The following LAS1L variants were observed in gnomAD, a reference collection of about 807,000 sequenced individuals.
LAS1L encodes the protein ribosomal biogenesis protein LAS1L.
A neutral mutation model predicts 57.3 loss-of-function variants in LAS1L; 5 were observed. The ratio of observed to expected loss-of-function variants is 0.09; its 90% CI spans 0.05 to 0.18. The LOEUF (loss-of-function observed/expected upper bound fraction) is 0.18, where lower values mean the gene tolerates loss of function less well. LAS1L is among the 10% of genes least tolerant of loss of function. LAS1L has a pLI of 1.00. For missense variants in LAS1L, 360 were observed against 568.3 expected, an observed-to-expected ratio of 0.63 and a Z score of 3.73; for synonymous variants, 245 against 231.7, an observed-to-expected ratio of 1.06 and a Z score of -0.52.
Position 65,534,463 on chromosome X carries a change from C to A in LAS1L, c.236+17G>T. 8.6e-7 allele frequency: 1 copy of A among 1,165,715 alleles called. No individual in the cohort carries two copies. Among genetic ancestry groups the A allele is most frequent in the Non-Finnish European group, 1.2e-6 (1 of 863,733 alleles). The stretch of plus-strand genomic sequence containing the variant: ...GCCACCAGCACGCAGGCAAAAGGGC[C>A]GAACCCGCCACCTTACCTGCTCCTC... On this transcript the variant is annotated intron_variant, in intron 1 of 13. Transcript: ENST00000374811.
chrX:65,525,975 C>T (rs976166037), intron 7 of LAS1L, among the ~76,000 whole-genome samples: 4 of 110,670 alleles, frequency 3.6e-5, no homozygotes, highest in Non-Finnish European at 7.5e-5. Context: ...TGGGTCGGAT[C>T]CCTCATGAAT....
chrX:65,531,519 G>A (rs1028775495), intron 3 of LAS1L, 81 bp from the exon 4 acceptor site: 4 of 654,195 alleles, frequency 6.1e-6, no homozygotes, highest in Non-Finnish European at 9.8e-6. Flanking sequence ...TAATTATCCT[G>A]ACCACCTCCT....
chrX:65,534,039 A>C (rs775744995), intron 1 of LAS1L, among the ~76,000 whole-genome samples: 2 of 111,281 alleles, frequency 1.8e-5, no homozygotes, highest in East Asian at 5.7e-4. Flanking sequence ...GGAGCCCCTT[A>C]TCCCTTGTAA....
chrX:65,518,120 T>A lies in LAS1L; in HGVS notation c.1794A>T (p.Glu598Asp), dbSNP rs368033383. 4 of 1,197,345 alleles carry A rather than the reference T, an allele frequency of 3.3e-6. No individual in the cohort carries two copies. In the African/African-American group the frequency reaches 5.3e-5, roughly 16 times the overall value. ...CCATTCTGTCTTCCTCTTCATCATC[T>A]TCATCATCTTCATCCTCCTCTTCCT... Reference protein sequence around the residue: ...QEEEEEDEDDEDDEEEDRMEV... With the variant: ...QEEEEEDEDDDDDEEEDRMEV... Residue 598 changes from glutamate to aspartate, a missense_variant, in exon 12 of 14, where the codon GAA becomes GAT. Physicochemically the swap from Glu to Asp is conservative, Grantham distance 45 (BLOSUM62 2). This residue lies in a region of LAS1L where 123 missense variants were observed against 168.3 expected (regional missense o/e 0.73). Coordinates refer to ENST00000374811, the MANE Select transcript of LAS1L (RefSeq NM_031206.7).
rs1293394630 is a variant in LAS1L, at chrX:65,534,518, C to T, written c.198G>A (p.Gln66=). The change falls in exon 1 of 14, where the codon CAG becomes CAA. Residue 66 remains glutamine, a synonymous_variant. Coordinates refer to ENST00000374811, the MANE Select transcript of LAS1L (RefSeq NM_031206.7). ...VYLFCDDHKL[Q]RYALNRITVW... ...CCGTGATGCGGTTAAGCGCGTACCGCTGCAACTTATGGTCGTCACAGAACA... is the reference window on the plus strand; with the variant it reads ...CCGTGATGCGGTTAAGCGCGTACCGTTGCAACTTATGGTCGTCACAGAACA... The T allele has an allele frequency of 4.1e-6, 5 of 1,207,022 alleles. No individual in the cohort carries two copies. Among genetic ancestry groups the T allele is most frequent in the Non-Finnish European group, 5.6e-6 (5 of 893,675 alleles).
intron 11 of LAS1L, 27 bp downstream of exon 11, chrX:65,523,533 T>A: frequency 5.2e-6 from 6 of 1,151,234 alleles, no homozygotes; most frequent in Non-Finnish European, 5.8e-6. Context: ...CCTCACCCTC[T>A]TACCGGATGG....
At position 65,524,257 on chromosome X, in the gene LAS1L, C is replaced by T. The variant is rs2069005756; in HGVS notation, c.1099G>A (p.Val367Met). 2.5e-6 allele frequency: 3 copies of T among 1,205,616 alleles called. No homozygotes were observed. The highest frequency in any genetic ancestry group is 2.2e-6 in the Non-Finnish European group (2 of 891,666). ...EGTDPKSHKN[V>M]DLNDVLVPKP... The stretch of plus-strand genomic sequence containing the variant: ...GGCACCAGGACGTCATTCAAGTCCA[C>T]GTTTTCTGGTTTGTAAGGGACACCC... Residue 367 changes from valine to methionine, a missense_variant, in exon 10 of 14, where the codon GTG becomes ATG. Physicochemically the swap from Val to Met is conservative, Grantham distance 21 (BLOSUM62 1). This residue lies in a region of LAS1L where 81 missense variants were observed against 192.1 expected (regional missense o/e 0.42). Coordinates refer to ENST00000374811, the MANE Select transcript of LAS1L (RefSeq NM_031206.7).
In LAS1L at chrX:65,525,748, C is replaced by CAAAAAAAAAAAAAAA. The variant is rs772564998; in HGVS notation, c.957-713_957-699dup. Among the ~76,000 whole-genome samples, 64 of 38,227 alleles carry CAAAAAAAAAAAAAAA rather than the reference C, an allele frequency of 1.7e-3. 2 individuals are homozygous for CAAAAAAAAAAAAAAA. The highest frequency in any genetic ancestry group is 7.0e-3 in the African/African-American group (61 of 8,719). The allele number at this position is 38,227 out of a possible 115,157, so 33.2% of individuals were successfully genotyped here. On this transcript the variant is annotated intron_variant, in intron 7 of 13. Coordinates refer to ENST00000374811, the MANE Select transcript of LAS1L (RefSeq NM_031206.7). The stretch of plus-strand genomic sequence containing the variant: ...AGGTCTTCACCAAGGTCTGATTTTT[C>CAAAAAAAAAAAAAAA]AAAAAAAAAAAAAAAAAAAAGAAAG...
chrX:65,517,373 G>A (rs1345498522), intron 12 of LAS1L, among the ~76,000 whole-genome samples: 47 of 108,766 alleles, frequency 4.3e-4, no homozygotes, highest in Admixed American at 2.3e-3. Context: ...TCAGCCTCCC[G>A]AGTAGCTGGG....
At chrX:65,523,457 G>C (rs776881809) in intron 11 of LAS1L, 103 bp downstream of exon 11, 2 of 871,587 alleles carry the variant, frequency 2.3e-6, no homozygotes, top group East Asian at 7.1e-5. Flanking sequence ...GACTGGGCTA[G>C]ACTGTCCCCA....
intron 11 of LAS1L, chrX:65,518,925 A>C (rs1428090982): frequency 9.3e-6 from 7 of 752,517 alleles, no homozygotes; most frequent in Non-Finnish European, 9.4e-6. Flanking sequence ...ATATGCCTGG[A>C]AGTGTTCTGT....
chrX:65,518,656 C>T (rs968406461), intron 11 of LAS1L, 191 bp from the exon 12 acceptor site: 37 of 489,904 alleles, frequency 7.6e-5, no homozygotes, highest in Admixed American at 8.8e-5. Flanking sequence ...ATCTCTGTGC[C>T]TCACTTCCAT....
Position 65,517,833 on chromosome X carries a change from A to G in LAS1L, c.1927+154T>C, listed in dbSNP as rs6653146. ...CACAGGCTCCATCCTAAGAGGTGGGAGAAGCCAGCTGTCATCTATGCACCA... is the reference window on the plus strand; with the variant it reads ...CACAGGCTCCATCCTAAGAGGTGGGGGAAGCCAGCTGTCATCTATGCACCA... On this transcript the variant is annotated intron_variant, in intron 12 of 13. Coordinates refer to ENST00000374811, the MANE Select transcript of LAS1L (RefSeq NM_031206.7). Among the ~76,000 whole-genome samples, 26,450 of 112,056 alleles carry G rather than the reference A, an allele frequency of 0.24. 7,409 individuals are homozygous for G. Among genetic ancestry groups the G allele is most frequent in the African/African-American group, 0.81 (24,816 of 30,555 alleles).
chrX:65,515,191 C>T (rs2068585717), intron 12 of LAS1L, among the ~76,000 whole-genome samples: 1 of 111,928 alleles, frequency 8.9e-6, no homozygotes, highest in Non-Finnish European at 1.9e-5. Flanking sequence ...CCTCTATGTG[C>T]TTACATATAC....
intron 4 of LAS1L, 38 bp from the exon 5 acceptor site, chrX:65,529,916 C>T: frequency 8.5e-7 from 1 of 1,175,025 alleles, no homozygotes; most frequent in African/African-American, 1.8e-5. Context: ...CAGGATCAGG[C>T]AGGCAGCTAG....
intron 11 of LAS1L, chrX:65,520,554 C>G: frequency 2.7e-6 from 2 of 753,391 alleles, no homozygotes; most frequent in Middle Eastern, 1.5e-3. Context: ...GGACTAAGGA[C>G]AGGCTATCTG....
At chrX:65,514,082 A>G (rs1026413505) in intron 13 of LAS1L, among the ~76,000 whole-genome samples, 1 of 112,213 alleles carries the variant, frequency 8.9e-6, no homozygotes, top group East Asian at 2.8e-4. Flanking sequence ...CAGCAAAGGG[A>G]AAGACTTAGT....
intron 13 of LAS1L, among the ~76,000 whole-genome samples, chrX:65,514,477 T>TA (rs1218075463): frequency 3.7e-5 from 4 of 108,468 alleles, no homozygotes; most frequent in African/African-American, 1.4e-4. Flanking sequence ...GTGGACCAGT[T>TA]AGAGAATCTG....
chrX:65,517,900 A>C (rs1338492020), intron 12 of LAS1L, 87 bp downstream of exon 12: 13 of 1,109,994 alleles, frequency 1.2e-5, no homozygotes, highest in African/African-American at 1.9e-5. Flanking sequence ...ACCTCCTGCT[A>C]CTTTCCATCT....
Sources: gnomAD v4.1 joint callset for allele counts (sites outside exome capture counted in the v4.1 genomes callset) on GRCh38, gnomAD v4.1.1 for gene constraint, gnomAD v4.1.1 regional missense constraint, MANE v1.5 for transcripts, NCBI Gene and HGNC (gene_info 2026-07-23, HGNC 2026-07-21) for gene names.